Variants in ANKRD13C observed in about 807,000 individuals in gnomAD.
ANKRD13C encodes ankyrin repeat domain 13C, also known as ankyrin repeat domain-containing protein 13C.
A neutral mutation model predicts 65.5 loss-of-function variants in ANKRD13C; 16 were observed. The observed-to-expected ratio is 0.24, with a 90% CI of 0.17 to 0.37. The LOEUF (loss-of-function observed/expected upper bound fraction) is 0.37, where lower values mean the gene tolerates loss of function less well. Ranked by LOEUF, ANKRD13C falls within the 10% of genes least tolerant of loss-of-function variation. The pLI is 1.00. For synonymous variants in ANKRD13C, 235 were observed against 238.7 expected, an observed-to-expected ratio of 0.98 and a Z score of 0.14; for missense variants, 503 against 655.9, an observed-to-expected ratio of 0.77 and a Z score of 2.55.
chr1:70,329,127 T>C (rs1681674154), intron 2 of ANKRD13C, among the ~76,000 whole-genome samples: 1 of 152,198 alleles, frequency 6.6e-6, no homozygotes, highest in Non-Finnish European at 1.5e-5. Flanking sequence ...GCTGTAAATG[T>C]TAACTACATC....
intron 12 of ANKRD13C, among the ~76,000 whole-genome samples, chr1:70,264,451 G>A (rs1447585793): frequency 6.9e-6 from 1 of 143,888 alleles, no homozygotes; most frequent in East Asian, 2.1e-4. Context: ...ACTAGAGCCT[G>A]GGGAACAGAG....
intron 2 of ANKRD13C, among the ~76,000 whole-genome samples, chr1:70,326,615 T>C (rs1467279250): frequency 1.3e-5 from 2 of 151,896 alleles, no homozygotes; most frequent in Non-Finnish European, 2.9e-5. Context: ...CATAGCAGTG[T>C]TTCAATCTGG....
At chr1:70,297,298 T>G (rs1168600552) in intron 7 of ANKRD13C, among the ~76,000 whole-genome samples, 1 of 143,598 alleles carries the variant, frequency 7.0e-6, no homozygotes, top group East Asian at 2.1e-4. Flanking sequence ...TTTTTTTTTT[T>G]TTTTTTTTTT....
At chr1:70,270,756 G>T (rs1572022107) in intron 12 of ANKRD13C, 100 bp downstream of exon 12, 1 of 777,352 alleles carries the variant, frequency 1.3e-6, no homozygotes, top group Non-Finnish European at 2.1e-6. Flanking sequence ...CAACAGAGGT[G>T]TTGGGGACCC....
chr1:70,262,660 C>A lies in ANKRD13C; in HGVS notation c.*57G>T. ...CATTTGTCCCTTCTATTTGGATCCACTTCTAGGGTCTCTGTATTTTCTTTC... is the reference window on the plus strand; with the variant it reads ...CATTTGTCCCTTCTATTTGGATCCAATTCTAGGGTCTCTGTATTTTCTTTC... On this transcript the variant is annotated 3_prime_UTR_variant, in exon 13 of 13. Coordinates refer to ENST00000370944, the MANE Select transcript of ANKRD13C (RefSeq NM_030816.5). The A allele has an allele frequency of 6.4e-7, 1 of 1,570,186 alleles. No homozygotes were observed. Among genetic ancestry groups the A allele is most frequent in the Non-Finnish European group, 8.7e-7 (1 of 1,155,726 alleles).
rs1163687076 is a variant in ANKRD13C, at chr1:70,301,461, G to T, written c.777-553C>A. On this transcript the variant is annotated intron_variant, in intron 6 of 12. Coordinates refer to ENST00000370944, the MANE Select transcript of ANKRD13C (RefSeq NM_030816.5). Reference sequence around the variant, plus strand: ...ATGGATGGACCACATTCTTGGAATTGAGAACTCCTCTTCTGATATACACCC... The same window carrying T: ...ATGGATGGACCACATTCTTGGAATTTAGAACTCCTCTTCTGATATACACCC... Among the ~76,000 whole-genome samples the T allele has an allele frequency of 5.9e-5, 9 of 152,306 alleles. No homozygotes were observed. The East Asian group carries it at 1.3e-3, about 23-fold the overall frequency.
chr1:70,342,219 G>A (rs932829952), intron 1 of ANKRD13C, among the ~76,000 whole-genome samples: 5 of 152,010 alleles, frequency 3.3e-5, no homozygotes, highest in African/African-American at 1.2e-4. Flanking sequence ...GAGAAGTATA[G>A]GCTGGAGATA....
At position 70,340,488 on chromosome 1, in the gene ANKRD13C, T is replaced by C. The variant is rs546617307; in HGVS notation, c.431-4389A>G. ...ATTTTTGTAAATGCTGTCTATATCCTTGCAAAAAAAAACTTTTTATTCTGC... is the reference window on the plus strand; with the variant it reads ...ATTTTTGTAAATGCTGTCTATATCCCTGCAAAAAAAAACTTTTTATTCTGC... On this transcript the variant is annotated intron_variant, in intron 1 of 12. Coordinates refer to ENST00000370944, the MANE Select transcript of ANKRD13C (RefSeq NM_030816.5). Among the ~76,000 whole-genome samples, 7 of 152,218 alleles carry C rather than the reference T, an allele frequency of 4.6e-5. No individual in the cohort carries two copies. The South Asian group carries it at 1.4e-3, about 32-fold the overall frequency.
At chr1:70,295,229 ATTTATT>A (rs936780586) in intron 8 of ANKRD13C, among the ~76,000 whole-genome samples, 41 of 151,846 alleles carry the variant, frequency 2.7e-4, no homozygotes, top group African/African-American at 6.5e-4. Context: ...AGCTCATTCA[ATTTATT>A]TTTATTTTTA....
chr1:70,287,191 A>G (rs1488247460), intron 9 of ANKRD13C, among the ~76,000 whole-genome samples: 1 of 152,112 alleles, frequency 6.6e-6, no homozygotes, highest in East Asian at 1.9e-4. Context: ...CTTCTGAGAG[A>G]AATTATAGAG....
intron 6 of ANKRD13C, among the ~76,000 whole-genome samples, chr1:70,301,520 T>C (rs944667143): frequency 2.0e-5 from 3 of 152,244 alleles, no homozygotes; most frequent in African/African-American, 7.2e-5. Context: ...ATACCAAACC[T>C]TGCTTTATCC....
At chr1:70,339,897 T>G (rs1032685014) in intron 1 of ANKRD13C, among the ~76,000 whole-genome samples, 40 of 150,536 alleles carry the variant, frequency 2.7e-4, no homozygotes, top group Non-Finnish European at 7.4e-5. Context: ...TCACCCAGGC[T>G]GGAGTATAGT....
At chr1:70,327,010 A>AT (rs35275604) in intron 2 of ANKRD13C, among the ~76,000 whole-genome samples, 68,431 of 151,306 alleles carry the variant, frequency 0.45, 16,061 homozygotes, top group East Asian at 0.65. Flanking sequence ...ATAATACCCC[A>AT]GTAATAACTG....
intron 5 of ANKRD13C, 75 bp downstream of exon 5, chr1:70,313,670 C>A: frequency 9.1e-7 from 1 of 1,095,962 alleles, no homozygotes; most frequent in Non-Finnish European, 1.4e-6. Flanking sequence ...CCTAACATTT[C>A]TATATGATAG....
chr1:70,354,563 C>A lies in ANKRD13C; in HGVS notation c.-155G>T. 7.0e-7 allele frequency: 1 copy of A among 1,428,920 alleles called. No homozygotes were observed. Among genetic ancestry groups the A allele is most frequent in the Non-Finnish European group, 9.1e-7 (1 of 1,094,324 alleles). The allele number at this position is 1,428,920 out of a possible 1,614,324, so 88.5% of individuals were successfully genotyped here. ...CCCGAGCCTGGGACAAACGCATCTCCCGGGGAAGAGCCGGCTCTCGCCTAG... is the reference window on the plus strand; with the variant it reads ...CCCGAGCCTGGGACAAACGCATCTCACGGGGAAGAGCCGGCTCTCGCCTAG... On this transcript the variant is annotated 5_prime_UTR_variant, in exon 1 of 13. Coordinates refer to ENST00000370944, the MANE Select transcript of ANKRD13C (RefSeq NM_030816.5).
rs1294020799 is a variant in ANKRD13C at position 70,260,758 on chromosome 1, T to C, written c.*1959A>G. 1 of 152,078 alleles carries C rather than the reference T, an allele frequency of 6.6e-6. No homozygotes were observed. Among genetic ancestry groups the C allele is most frequent in the Non-Finnish European group, 1.5e-5 (1 of 67,968 alleles). 9.4% of individuals were successfully genotyped at this position (152,078 alleles called of 1,614,324 possible). On this transcript the variant is annotated 3_prime_UTR_variant, in exon 13 of 13. Transcript: ENST00000370944. ...AAGAAAAAAGCTTTAAAAACAAAAT[T>C]CAAGTGCAAAAATTTCCAGTAGTCT...
intron 12 of ANKRD13C, among the ~76,000 whole-genome samples, chr1:70,265,867 G>C: frequency 9.0e-6 from 1 of 111,368 alleles, no homozygotes; most frequent in East Asian, 2.3e-4. Flanking sequence ...GAAAAGAAAA[G>C]AAGAAGGAAG....
chr1:70,324,887 C>T lies in ANKRD13C; in HGVS notation c.543G>A (p.Leu181=), dbSNP rs1157211090. Residue 181 remains leucine, a synonymous_variant, in exon 3 of 13, where the codon CTG becomes CTA. Coordinates refer to ENST00000370944, the MANE Select transcript of ANKRD13C (RefSeq NM_030816.5). ...TATCTCCATAGCTGATGGCTTCCGCCAGAGGGCTCCATCCCTGAGCATTTT... is the reference window on the plus strand; with the variant it reads ...TATCTCCATAGCTGATGGCTTCCGCTAGAGGGCTCCATCCCTGAGCATTTT... ...KVKNAQGWSP[L]AEAISYGDRQ... 2 of 1,611,294 alleles carry T rather than the reference C, an allele frequency of 1.2e-6. No homozygotes were observed. Among genetic ancestry groups the T allele is most frequent in the Non-Finnish European group, 1.7e-6 (2 of 1,178,476 alleles).
chr1:70,315,349 A>C, intron 4 of ANKRD13C, 132 bp downstream of exon 4: 1 of 635,770 alleles, frequency 1.6e-6, no homozygotes, highest in Non-Finnish European at 2.7e-6. Flanking sequence ...ATTATTGCTT[A>C]ATTTAAGCAT....
Sources: gnomAD v4.1 joint callset for allele counts (sites outside exome capture counted in the v4.1 genomes callset) on GRCh38, gnomAD v4.1.1 for gene constraint, MANE v1.5 for transcripts, NCBI Gene and HGNC (gene_info 2026-07-23, HGNC 2026-07-21) for gene names.